NLE1: variants seen among roughly 807,000 people sequenced by gnomAD.
The protein encoded by NLE1 is notchless homolog 1.
A neutral mutation model predicts 62.8 loss-of-function variants in NLE1; 37 were observed. The observed-to-expected ratio is 0.59, with a 90% CI of 0.45 to 0.78. The LOEUF (loss-of-function observed/expected upper bound fraction) is 0.78, where lower values mean the gene tolerates loss of function less well. Ranked by LOEUF, NLE1 falls within the 30% of genes least tolerant of loss-of-function variation. The probability of loss-of-function intolerance (pLI) is 0.00; values close to 1 mark genes in which losing one functional copy is unlikely to be tolerated. For synonymous variants in NLE1, 243 were observed against 253.0 expected, an observed-to-expected ratio of 0.96 and a Z score of 0.37; for missense variants, 555 against 637.9, an observed-to-expected ratio of 0.87 and a Z score of 1.40.
At chr17:35,140,544 A>C (rs1251173344) in intron 2 of NLE1, among the ~76,000 whole-genome samples, 1 of 151,786 alleles carries the variant, frequency 6.6e-6, no homozygotes, top group Non-Finnish European at 1.5e-5. Flanking sequence ...AGACCTTTTA[A>C]GTCACTGAAC....
Position 35,129,376 on chromosome 17 carries a change from G to A in NLE1, c.*3061C>T. The stretch of plus-strand genomic sequence containing the variant: ...AGTTGGGAGGGTGAAGGGACAGGAA[G>A]GACAGGACATATCTGAGGAAGCCTC... On this transcript the variant is annotated 3_prime_UTR_variant, in exon 13 of 13. Coordinates refer to ENST00000442241, the MANE Select transcript of NLE1 (RefSeq NM_018096.5). 1 of 1,595,094 alleles carries A rather than the reference G, an allele frequency of 6.3e-7. No homozygotes were observed. Among genetic ancestry groups the A allele is most frequent in the Non-Finnish European group, 8.6e-7 (1 of 1,168,822 alleles).
At chr17:35,140,527 C>T (rs112042456) in intron 2 of NLE1, among the ~76,000 whole-genome samples, 1 of 152,104 alleles carries the variant, frequency 6.6e-6, no homozygotes, top group African/African-American at 2.4e-5. Context: ...CTGTGCCCAG[C>T]CTAGCAAGAC....
At chr17:35,137,498 T>C in intron 6 of NLE1, 45 bp downstream of exon 6, 1 of 1,485,666 alleles carries the variant, frequency 6.7e-7, no homozygotes, top group South Asian at 1.2e-5. Context: ...GGGGATGGCT[T>C]TGATCCCCTG....
In NLE1 at chr17:35,137,845, C is replaced by T. The variant is rs7215209; in HGVS notation, c.506G>A (p.Arg169Lys). 1,202,749 of 1,612,096 alleles carry T rather than the reference C, an allele frequency of 0.75. 452,059 individuals are homozygous for T. Among genetic ancestry groups the T allele is most frequent in the East Asian group, 0.92 (41,305 of 44,872 alleles). Residue 169 changes from arginine (R) to lysine (K), a missense_variant, in exon 5 of 13, where the codon AGG (arginine) becomes AAG (lysine). Coordinates refer to ENST00000442241, the MANE Select transcript of NLE1 (RefSeq NM_018096.5). ...VLSISWSPDG[R>K]KLASGCKNGQ... ...ATTCTTGCAGCCTGAGGCCAGCTTC[C>T]TGCCATCTGGAGACCAGGATATACT...
Position 35,135,389 on chromosome 17 carries a change from T to C in NLE1, c.1074A>G (p.Pro358=). The change falls in exon 10 of 13, where the codon CCA becomes CCG. Residue 358 remains proline, a synonymous_variant. Coordinates refer to ENST00000442241, the MANE Select transcript of NLE1 (RefSeq NM_018096.5). ...GAGTGAGAGGCTTTTTGTCCTCTGC[T>C]GGGGACCACAGGAATAAGGTGAAGT... The part of the protein sequence containing the change: ...SDDFTLFLWS[P]AEDKKPLTRM... The C allele has an allele frequency of 1.2e-6, 2 of 1,614,206 alleles. No homozygotes were observed. Among genetic ancestry groups the C allele is most frequent in the East Asian group, 2.2e-5 (1 of 44,884 alleles).
At position 35,132,342 on chromosome 17, in the gene NLE1, T is replaced by C. The variant is rs1458253683; in HGVS notation, c.*95A>G. 2.7e-6 allele frequency: 3 copies of C among 1,109,956 alleles called. No individual in the cohort carries two copies. The highest frequency in any genetic ancestry group is 6.2e-5 in the East Asian group (2 of 32,334). The allele number at this position is 1,109,956 out of a possible 1,614,324, so 68.8% of individuals were successfully genotyped here. On this transcript the variant is annotated 3_prime_UTR_variant, in exon 13 of 13. Coordinates refer to ENST00000442241, the MANE Select transcript of NLE1 (RefSeq NM_018096.5). ...CTCAGGTCCCCACTGGTGGGGAGGG[T>C]GTGTGCACTGCCATCTCAGCCTTTG...
rs1597891743 is a variant in NLE1 at position 35,136,933 on chromosome 17, A to T, written c.828+68T>A. 4 of 1,408,564 alleles carry T rather than the reference A, an allele frequency of 2.8e-6. No homozygotes were observed. In the East Asian group the frequency reaches 7.0e-5, roughly 24 times the overall value. 87.3% of individuals were successfully genotyped at this position (1,408,564 alleles called of 1,614,324 possible). On this transcript the variant is annotated intron_variant, in intron 7 of 12. Coordinates refer to ENST00000442241, the MANE Select transcript of NLE1 (RefSeq NM_018096.5). ...CACTGGACTCGCTGATGTCAAGGTC[A>T]TTCTGAGTGCCAGCATCTTGTGACT... is the stretch of plus-strand genomic sequence containing the variant.
At position 35,129,360 on chromosome 17, in the gene NLE1, G is replaced by A; in HGVS notation, c.*3077C>T. On this transcript the variant is annotated 3_prime_UTR_variant, in exon 13 of 13. Coordinates refer to ENST00000442241, the MANE Select transcript of NLE1 (RefSeq NM_018096.5). ...GGGACGTCCTGACCCCAGTTGGGAG[G>A]GTGAAGGGACAGGAAGGACAGGACA... 6 of 1,575,698 alleles carry A rather than the reference G, an allele frequency of 3.8e-6. No individual in the cohort carries two copies. Among genetic ancestry groups the A allele is most frequent in the South Asian group, 1.2e-5 (1 of 84,476 alleles).
In NLE1 at chr17:35,137,549, A is replaced by T; in HGVS notation, c.629T>A (p.Leu210His). ...CTCCGTCAGTGTCACTTACGCATGG[A>T]GGGGCTCCCAGCTCAGGCCTGTGAT... ...KWITGLSWEP[L>H]HANPECRYVA... The change falls in exon 6 of 13, where the codon CTC becomes CAC. Residue 210 changes from leucine (L) to histidine (H), a missense_variant. Leu to His is a moderately conservative substitution (Grantham distance 99). Coordinates refer to ENST00000442241, the MANE Select transcript of NLE1 (RefSeq NM_018096.5). 1 of 1,608,040 alleles carries T rather than the reference A, an allele frequency of 6.2e-7. No individual in the cohort carries two copies.
chr17:35,129,176 G>GTCGC lies in NLE1; in HGVS notation c.*3260_*3261insGCGA. Reference sequence around the variant, plus strand: ...GTGGCCCAAGGGTTGAGGACCCCTGGCGTATAAGAAATATGGAATGAGGGT... The same window carrying GTCGC: ...GTGGCCCAAGGGTTGAGGACCCCTGGTCGCCGTATAAGAAATATGGAATGAGGGT... On this transcript the variant is annotated 3_prime_UTR_variant, in exon 13 of 13. Transcript: ENST00000442241. 2 of 467,104 alleles carry GTCGC rather than the reference G, an allele frequency of 4.3e-6. No homozygotes were observed. Among genetic ancestry groups the GTCGC allele is most frequent in the Non-Finnish European group, 3.9e-6 (1 of 256,000 alleles). 28.9% of individuals were successfully genotyped at this position (467,104 alleles called of 1,614,324 possible).
In NLE1 at chr17:35,133,553, G is replaced by A. The variant is rs577964716; in HGVS notation, c.1215-55C>T. The stretch of plus-strand genomic sequence containing the variant: ...TAGTCTGAGTTACATCTTTCAACAC[G>A]TCTGAAGGGTCCCCTACGCTCATGG... On this transcript the variant is annotated intron_variant, in intron 10 of 12. Transcript: ENST00000442241. 1.4e-5 allele frequency: 21 copies of A among 1,506,478 alleles called. No homozygotes were observed. In the East Asian group the frequency reaches 3.2e-4, roughly 23 times the overall value. 93.3% of individuals were successfully genotyped at this position (1,506,478 alleles called of 1,614,324 possible). A position where few individuals can be genotyped will look rare whatever the true frequency, so the allele number is the denominator to read the frequency against.
rs1352117316 is a variant in NLE1, at chr17:35,132,286, G to A, written c.*151C>T. On this transcript the variant is annotated 3_prime_UTR_variant, in exon 13 of 13. Transcript: ENST00000442241. ...GGGATCTGTGGGAAAACCCCATTCC[G>A]GTCTATCGAGGACAGCAGGCCACAC... The A allele has an allele frequency of 4.0e-5, 22 of 543,226 alleles. No individual in the cohort carries two copies. Among genetic ancestry groups the A allele is most frequent in the South Asian group, 1.3e-4 (2 of 15,840 alleles). The allele number at this position is 543,226 out of a possible 1,614,324, so 33.7% of individuals were successfully genotyped here. A position where few individuals can be genotyped will look rare whatever the true frequency, so the allele number is the denominator to read the frequency against.
At chr17:35,139,170 T>C in intron 4 of NLE1, 65 bp downstream of exon 4, 2 of 1,407,232 alleles carry the variant, frequency 1.4e-6, no homozygotes, top group East Asian at 2.3e-5. Context: ...TCCATCCTGG[T>C]CAACAGAGCA....
Position 35,130,211 on chromosome 17 carries a change from G to C in NLE1, c.*2226C>G. On this transcript the variant is annotated 3_prime_UTR_variant, in exon 13 of 13. Coordinates refer to ENST00000442241, the MANE Select transcript of NLE1 (RefSeq NM_018096.5). The stretch of plus-strand genomic sequence containing the variant: ...GTCAGCAGACAGAAAAAAAAGGGGT[G>C]ATAGAGACAGAGAGAGAGCCAGGTT... 1.3e-6 allele frequency: 2 copies of C among 1,563,364 alleles called. No homozygotes were observed. Among genetic ancestry groups the C allele is most frequent in the Non-Finnish European group, 1.7e-6 (2 of 1,155,474 alleles).
Position 35,137,554 on chromosome 17 carries a change from C to T in NLE1, c.624G>A (p.Glu208=), listed in dbSNP as rs1231393979. 5.0e-6 allele frequency: 8 copies of T among 1,608,710 alleles called. No individual in the cohort carries two copies. The highest frequency in any genetic ancestry group is 6.8e-6 in the Non-Finnish European group (8 of 1,179,608). The change falls in exon 6 of 13, where the codon GAG becomes GAA. Residue 208 remains glutamate, a synonymous_variant. Transcript: ENST00000442241. Reference sequence around the variant, plus strand: ...TCAGTGTCACTTACGCATGGAGGGGCTCCCAGCTCAGGCCTGTGATCCACT... The same window carrying T: ...TCAGTGTCACTTACGCATGGAGGGGTTCCCAGCTCAGGCCTGTGATCCACT... The part of the protein sequence containing the change: ...HSKWITGLSW[E]PLHANPECRY...
In NLE1 at chr17:35,133,451, G is replaced by A. The variant is rs757096040; in HGVS notation, c.1262C>T (p.Ala421Val). Residue 421 changes from alanine (A) to valine (V), a missense_variant, in exon 11 of 13, where the codon GCG (alanine) becomes GTG (valine). Ala to Val is a moderately conservative substitution (Grantham distance 64). Transcript: ENST00000442241. ...CAGGAGCCGACTGTCAGCTGACCAC[G>A]CAATCTGGTACACGGCAGCCACGTG... ...RGHVAAVYQI[A>V]WSADSRLLVS... The A allele has an allele frequency of 5.0e-6, 8 of 1,613,798 alleles. No individual in the cohort carries two copies. Among genetic ancestry groups the A allele is most frequent in the Admixed American group, 3.3e-5 (2 of 59,996 alleles).
rs201546854 is a variant in NLE1, at chr17:35,142,283, C to G, written c.-8G>C. The G allele has an allele frequency of 1.3e-3, 2,076 of 1,540,040 alleles. 22 individuals carry two copies. The African/African-American group carries it at 0.026, about 19-fold the overall frequency. ...CGGCACTGCTGCCGCCATCCTGCGT[C>G]CCCACGTGGAGGAGAAAGAGCCCGG... On this transcript the variant is annotated 5_prime_UTR_variant, in exon 1 of 13. Transcript: ENST00000442241.
intron 10 of NLE1, chr17:35,134,973 A>G: frequency 7.7e-6 from 4 of 522,590 alleles, no homozygotes; most frequent in South Asian, 3.1e-5. Flanking sequence ...AATCACTTGA[A>G]CCCAGGAAGC....
At chr17:35,136,115 A>G in intron 9 of NLE1, 54 bp downstream of exon 9, 1 of 1,582,160 alleles carries the variant, frequency 6.3e-7, no homozygotes, top group Non-Finnish European at 8.7e-7. Flanking sequence ...GGTTTTAGTG[A>G]TTGGCTAAGG....
Sources: gnomAD v4.1 joint callset for allele counts (sites outside exome capture counted in the v4.1 genomes callset) on GRCh38, gnomAD v4.1.1 for gene constraint, MANE v1.5 for transcripts, NCBI Gene and HGNC (gene_info 2026-07-23, HGNC 2026-07-21) for gene names.